The following AUTS2 variants were observed in gnomAD, a reference collection of about 807,000 sequenced individuals.
The protein encoded by AUTS2 is activator of transcription and developmental regulator AUTS2, also known as autism susceptibility gene 2 protein.
A neutral mutation model predicts 112.4 loss-of-function variants in AUTS2; 17 were observed. The observed-to-expected ratio is 0.15, with a 90% confidence interval of 0.10 to 0.23. AUTS2 has a LOEUF of 0.23. Ranked by LOEUF, AUTS2 falls within the 10% of genes least tolerant of loss-of-function variation. The pLI, the probability that AUTS2 is intolerant of heterozygous loss-of-function variation, is 1.00. For missense variants in AUTS2, 1,510 were observed against 1,701.6 expected, an observed-to-expected ratio of 0.89 and a Z score of 1.98; for synonymous variants, 751 against 702.7, an observed-to-expected ratio of 1.07 and a Z score of -1.09.
chr7:70,043,755 A>G (rs746227973), intron 2 of AUTS2, among the ~76,000 whole-genome samples: 2 of 151,860 alleles, frequency 1.3e-5, no homozygotes, highest in African/African-American at 2.4e-5. Flanking sequence ...GATTACAGAC[A>G]TGCGCCACCA....
At chr7:69,624,169 A>G (rs1016028660) in intron 1 of AUTS2, among the ~76,000 whole-genome samples, 6 of 152,206 alleles carry the variant, frequency 3.9e-5, no homozygotes, top group Non-Finnish European at 5.9e-5. Context: ...CTTTTCTGCA[A>G]TCTGTTTCAC....
chr7:70,157,480 A>G lies in AUTS2; in HGVS notation c.660+22909A>G, dbSNP rs200848277. ...TGTTTTATTATTTATTTATTTGTTT[A>G]TTTATTTATTTTTTCTTTAAGAGAT... On this transcript the variant is annotated intron_variant, in intron 4 of 18. Coordinates refer to ENST00000342771, the MANE Select transcript of AUTS2 (RefSeq NM_015570.4). 6.0e-5 allele frequency among the ~76,000 whole-genome samples: 9 copies of G among 149,150 alleles called. No individual in the cohort carries two copies. The East Asian group carries it at 1.9e-3, about 32-fold the overall frequency.
chr7:70,787,504 C>G, intron 18 of AUTS2, 73 bp downstream of exon 18: 1 of 1,098,458 alleles, frequency 9.1e-7, no homozygotes, highest in Non-Finnish European at 1.3e-6. Context: ...GAACTGGCCG[C>G]CCACCCTCCC....
intron 10 of AUTS2, among the ~76,000 whole-genome samples, chr7:70,770,953 C>G (rs970443060): frequency 2.0e-5 from 3 of 151,294 alleles, no homozygotes; most frequent in Non-Finnish European, 4.4e-5. Context: ...TACCCTTTCA[C>G]AAATATTTGT....
intron 1 of AUTS2, among the ~76,000 whole-genome samples, chr7:69,842,205 A>G (rs1452446930): frequency 2.0e-5 from 3 of 152,200 alleles, no homozygotes; most frequent in Non-Finnish European, 2.9e-5. Context: ...ATCTAGAAAT[A>G]TGTTGGCATC....
intron 4 of AUTS2, among the ~76,000 whole-genome samples, chr7:70,179,169 C>T (rs1780367455): frequency 6.6e-6 from 1 of 152,102 alleles, no homozygotes; most frequent in East Asian, 1.9e-4. Flanking sequence ...GGCTCATGAT[C>T]GGTTGTACCC....
At chr7:69,777,936 G>A (rs188969396) in intron 1 of AUTS2, among the ~76,000 whole-genome samples, 1 of 152,216 alleles carries the variant, frequency 6.6e-6, no homozygotes, top group Non-Finnish European at 1.5e-5. Flanking sequence ...TGTGGGTTAT[G>A]TTCCTATACT....
At chr7:70,715,229 C>A (rs1313363310) in intron 6 of AUTS2, among the ~76,000 whole-genome samples, 2 of 152,216 alleles carry the variant, frequency 1.3e-5, no homozygotes, top group Non-Finnish European at 2.9e-5. Flanking sequence ...GAACAGTTCT[C>A]TGCATTTTTC....
At chr7:70,048,115 C>T (rs1275406266) in intron 2 of AUTS2, among the ~76,000 whole-genome samples, 1 of 152,154 alleles carries the variant, frequency 6.6e-6, no homozygotes, top group Non-Finnish European at 1.5e-5. Context: ...GGGGGATTTC[C>T]AAACACCTTA....
intron 1 of AUTS2, among the ~76,000 whole-genome samples, chr7:69,846,562 C>T (rs1241049664): frequency 6.6e-6 from 1 of 152,132 alleles, no homozygotes; most frequent in African/African-American, 2.4e-5. Flanking sequence ...TTCATTTAAT[C>T]CCCACAGCAA....
At chr7:70,024,487 T>C (rs1418516369) in intron 2 of AUTS2, among the ~76,000 whole-genome samples, 1 of 152,200 alleles carries the variant, frequency 6.6e-6, no homozygotes, top group Non-Finnish European at 1.5e-5. Flanking sequence ...CCAAGCTCTT[T>C]TAATAGTTCC....
chr7:70,678,516 T>C, intron 5 of AUTS2, among the ~76,000 whole-genome samples: 1 of 152,246 alleles, frequency 6.6e-6, no homozygotes. Flanking sequence ...CAGTTGATGC[T>C]CTTCTAGCTA....
At chr7:69,937,563 G>T (rs1796464267) in intron 2 of AUTS2, among the ~76,000 whole-genome samples, 1 of 152,170 alleles carries the variant, frequency 6.6e-6, no homozygotes. Context: ...CACTTGGATG[G>T]GGGTGCTTCT....
chr7:70,473,850 G>C (rs1797483608), intron 5 of AUTS2, among the ~76,000 whole-genome samples: 1 of 151,882 alleles, frequency 6.6e-6, no homozygotes, highest in Non-Finnish European at 1.5e-5. Flanking sequence ...CTGGGTCTAA[G>C]GTATTAGACA....
Position 70,763,221 on chromosome 7 carries a change from A to G in AUTS2, c.1094A>G (p.Gln365Arg). The change falls in exon 7 of 19, where the codon CAG (glutamine) becomes CGG (arginine). Residue 365 changes from glutamine (Q) to arginine (R), a missense_variant. Coordinates refer to ENST00000342771, the MANE Select transcript of AUTS2 (RefSeq NM_015570.4). ...QPQVQRPPRP[Q>R]SPTQLLHQNL... The stretch of plus-strand genomic sequence containing the variant: ...CAGGTGCAGAGGCCACCCAGGCCAC[A>G]GTCCCCCACCCAGCTGCTCCATCAG... The G allele has an allele frequency of 6.2e-7, 1 of 1,614,080 alleles. No homozygotes were observed. Among genetic ancestry groups the G allele is most frequent in the East Asian group, 2.2e-5 (1 of 44,862 alleles).
intron 4 of AUTS2, among the ~76,000 whole-genome samples, chr7:70,230,091 C>CA (rs1811967194): frequency 6.6e-6 from 1 of 151,608 alleles, no homozygotes; most frequent in Non-Finnish European, 1.5e-5. Flanking sequence ...TATCTATTGA[C>CA]TTTTTTTTCC....
intron 2 of AUTS2, among the ~76,000 whole-genome samples, chr7:70,081,771 A>G (rs892173257): frequency 2.0e-5 from 3 of 152,184 alleles, no homozygotes; most frequent in South Asian, 4.1e-4. Flanking sequence ...GCAGAAGTTT[A>G]TAGGTAGAAT....
chr7:70,436,454 G>A (rs999389490), intron 5 of AUTS2: 1 of 152,252 alleles, frequency 6.6e-6, no homozygotes, highest in African/African-American at 2.4e-5. Context: ...ACTCGGTAAA[G>A]TGAGCTTTCT....
rs200965709 is a variant in AUTS2 at position 70,508,158 on chromosome 7, T to TG, written c.690+72377_690+72378insG. Among the ~76,000 whole-genome samples the TG allele has an allele frequency of 8.3e-3, 1,257 of 152,150 alleles. 7 individuals are homozygous for TG. The highest frequency in any genetic ancestry group is 9.7e-3 in the African/African-American group (401 of 41,508). ...GGCTACGGGGAGCAGAGGGCTTTTTTTTGTTGTTGTTATGTCTAAATCCTC... is the reference window on the plus strand; with the variant it reads ...GGCTACGGGGAGCAGAGGGCTTTTTTGTTGTTGTTGTTATGTCTAAATCCTC... On this transcript the variant is annotated intron_variant, in intron 5 of 18. Transcript: ENST00000342771.
Sources: allele counts gnomAD v4.1 joint callset (sites outside exome capture counted in the v4.1 genomes callset), GRCh38; gene constraint gnomAD v4.1.1; transcripts MANE v1.5; gene names NCBI Gene and HGNC (gene_info 2026-07-23, HGNC 2026-07-21).